SDK1: variants seen among roughly 807,000 people sequenced by gnomAD.
SDK1 encodes sidekick cell adhesion molecule 1, also known as protein sidekick-1.
A neutral mutation model predicts 245.5 loss-of-function variants in SDK1; 157 were observed. The ratio of observed to expected loss-of-function variants is 0.64; its 90% CI spans 0.56 to 0.73. The LOEUF (loss-of-function observed/expected upper bound fraction) is 0.73, where lower values mean the gene tolerates loss of function less well. Among genes scored for constraint, SDK1 ranks in the 30% least tolerant of loss-of-function variants. SDK1 has a pLI of 0.00. For synonymous variants in SDK1, 1,647 were observed against 1,278.5 expected (o/e 1.29, Z -6.15); for missense variants, 3,583 against 3,002.3 (o/e 1.19, Z -4.52).
chr7:3,379,815 G>T (rs543835355), intron 1 of SDK1, among the ~76,000 whole-genome samples: 1 of 58,758 alleles, frequency 1.7e-5, no homozygotes, highest in African/African-American at 1.4e-4. Context: ...AAAACTTCTT[G>T]AGCCACCTAC....
At position 3,729,732 on chromosome 7, in the gene SDK1, G is replaced by A. The variant is rs555228440; in HGVS notation, c.713+87627G>A. On this transcript the variant is annotated intron_variant, in intron 4 of 44. Coordinates refer to ENST00000404826, the MANE Select transcript of SDK1 (RefSeq NM_152744.4). ...CACAATGAGTCTAACTTCTAGATCA[G>A]TGGTTTCCATTGAGCCTGTGTGAAC... Among the ~76,000 whole-genome samples, 93 of 152,262 alleles carry A rather than the reference G, an allele frequency of 6.1e-4. 1 individual carries two copies. Among genetic ancestry groups the A allele is most frequent in the African/African-American group, 2.2e-3 (92 of 41,552 alleles).
intron 1 of SDK1, among the ~76,000 whole-genome samples, chr7:3,432,418 C>T (rs902983739): frequency 5.3e-5 from 8 of 152,026 alleles, no homozygotes; most frequent in Non-Finnish European, 1.2e-4. Context: ...CTATGGCAAT[C>T]TTATTCCTAG....
chr7:3,728,925 C>T (rs1393024117), intron 4 of SDK1, among the ~76,000 whole-genome samples: 1 of 151,854 alleles, frequency 6.6e-6, no homozygotes, highest in African/African-American at 2.4e-5. Context: ...TCTAAGAGAC[C>T]TATCTCTCTA....
intron 1 of SDK1, among the ~76,000 whole-genome samples, chr7:3,331,694 G>C (rs1780073035): frequency 6.6e-6 from 1 of 152,036 alleles, no homozygotes; most frequent in Non-Finnish European, 1.5e-5. Flanking sequence ...AATTTGCTTG[G>C]TGAAACACCT....
chr7:3,882,922 TC>T (rs1317002444), intron 5 of SDK1, among the ~76,000 whole-genome samples: 7 of 152,226 alleles, frequency 4.6e-5, no homozygotes. Flanking sequence ...CTGGCTTTTT[TC>T]CCCTTCAAAT....
chr7:3,989,266 A>G (rs1049334964), intron 14 of SDK1, among the ~76,000 whole-genome samples: 1 of 152,208 alleles, frequency 6.6e-6, no homozygotes, highest in Non-Finnish European at 1.5e-5. Context: ...GCGGCAGACA[A>G]GAGAAGACAG....
Position 4,147,604 on chromosome 7 carries a change from G to A in SDK1, c.4424-1658G>A, listed in dbSNP as rs1263298753. On this transcript the variant is annotated intron_variant, in intron 29 of 44. Coordinates refer to ENST00000404826, the MANE Select transcript of SDK1 (RefSeq NM_152744.4). ...TTCAGTGAAAGCACATCCCCTCTGT[G>A]ACCATTACCACTATCATTATTATTG... Among the ~76,000 whole-genome samples, 5 of 152,164 alleles carry A rather than the reference G, an allele frequency of 3.3e-5. No homozygotes were observed. The East Asian group carries it at 9.7e-4, about 29-fold the overall frequency.
In SDK1 at chr7:3,443,633, C is replaced by T. The variant is rs537506757; in HGVS notation, c.298+141749C>T. ...ATACAGCCGGCATTAATTGGAGCCACACTAGCCTCCATGCTGGTTTGATTT... is the reference window on the plus strand; with the variant it reads ...ATACAGCCGGCATTAATTGGAGCCATACTAGCCTCCATGCTGGTTTGATTT... On this transcript the variant is annotated intron_variant, in intron 1 of 44. Coordinates refer to ENST00000404826, the MANE Select transcript of SDK1 (RefSeq NM_152744.4). Among the ~76,000 whole-genome samples the T allele has an allele frequency of 6.2e-4, 94 of 152,328 alleles. 2 individuals are homozygous for T. The South Asian group carries it at 9.1e-3, about 15-fold the overall frequency.
chr7:4,024,555 C>T (rs968185291), intron 17 of SDK1, among the ~76,000 whole-genome samples: 10 of 152,224 alleles, frequency 6.6e-5, no homozygotes. Flanking sequence ...ACAGGAAGCT[C>T]ATGCTTTAGG....
At chr7:3,406,995 CAG>C (rs1779071880) in intron 1 of SDK1, among the ~76,000 whole-genome samples, 1 of 152,048 alleles carries the variant, frequency 6.6e-6, no homozygotes. Context: ...GGATGAGGCA[CAG>C]AGAATTGGTT....
chr7:3,788,566 CA>C (rs1344834991), intron 4 of SDK1, among the ~76,000 whole-genome samples: 10 of 152,120 alleles, frequency 6.6e-5, no homozygotes, highest in Non-Finnish European at 1.5e-5. Flanking sequence ...ACCTTTTGGT[CA>C]GGGGTGTCCA....
At chr7:3,652,999 G>A (rs537691447) in intron 4 of SDK1, among the ~76,000 whole-genome samples, 26 of 152,312 alleles carry the variant, frequency 1.7e-4, no homozygotes, top group Admixed American at 7.2e-4. Flanking sequence ...AGCACCTCAC[G>A]TCCTCTCTTC....
intron 4 of SDK1, among the ~76,000 whole-genome samples, chr7:3,812,795 C>T (rs1000984296): frequency 2.0e-5 from 3 of 152,188 alleles, no homozygotes; most frequent in Non-Finnish European, 2.9e-5. Context: ...GCCTGCCTGC[C>T]TGAATGCAGT....
At chr7:3,777,181 C>T (rs1227649479) in intron 4 of SDK1, among the ~76,000 whole-genome samples, 6 of 152,204 alleles carry the variant, frequency 3.9e-5, no homozygotes, top group Admixed American at 3.3e-4. Flanking sequence ...GTGATGAAGA[C>T]TCTTGAGACG....
chr7:3,936,450 T>C (rs1193952928), intron 5 of SDK1, among the ~76,000 whole-genome samples: 1 of 151,884 alleles, frequency 6.6e-6, no homozygotes, highest in African/African-American at 2.4e-5. Context: ...CCAGGCATGG[T>C]GGCAGGTGCC....
chr7:4,103,290 G>A (rs369128230), intron 22 of SDK1, among the ~76,000 whole-genome samples: 32 of 146,874 alleles, frequency 2.2e-4, no homozygotes, highest in African/African-American at 6.8e-4. Flanking sequence ...GTGAGCCACC[G>A]CGCCCGGCCC....
intron 4 of SDK1, among the ~76,000 whole-genome samples, chr7:3,730,535 G>A (rs539758927): frequency 4.6e-4 from 70 of 152,248 alleles, no homozygotes; most frequent in African/African-American, 1.4e-3. Context: ...GAGCAAGTAC[G>A]GGTGCCAGCG....
chr7:4,151,102 C>T (rs1379101962), intron 30 of SDK1, among the ~76,000 whole-genome samples: 1 of 152,212 alleles, frequency 6.6e-6, no homozygotes, highest in African/African-American at 2.4e-5. Flanking sequence ...ACAGTGTCCC[C>T]AGGAGGCACA....
At chr7:3,733,566 A>T (rs567886049) in intron 4 of SDK1, among the ~76,000 whole-genome samples, 27 of 152,112 alleles carry the variant, frequency 1.8e-4, no homozygotes, top group Non-Finnish European at 3.2e-4. Flanking sequence ...TCCCTCCTTG[A>T]ATCCCATGTT....
Sources: gnomAD v4.1 joint callset for allele counts (sites outside exome capture counted in the v4.1 genomes callset) on GRCh38, gnomAD v4.1.1 for gene constraint, MANE v1.5 for transcripts, NCBI Gene and HGNC (gene_info 2026-07-23, HGNC 2026-07-21) for gene names.